Variants in PKHD1 observed in about 807,000 individuals in gnomAD.
The protein encoded by PKHD1 is fibrocystin.
A neutral mutation model predicts 412.0 loss-of-function variants in PKHD1; 291 were observed. The observed-to-expected ratio is 0.71, with a 90% CI of 0.64 to 0.78. The LOEUF is 0.78. PKHD1 is among the 30% of genes least tolerant of loss of function. PKHD1 has a pLI of 0.00. For synonymous variants in PKHD1, 1,777 were observed against 1,821.5 expected, an observed-to-expected ratio of 0.98 and a Z score of 0.62; for missense variants, 4,825 against 4,950.7, an observed-to-expected ratio of 0.97 and a Z score of 0.76.
At chr6:51,900,781 G>A (rs1434404173) in intron 43 of PKHD1, among the ~76,000 whole-genome samples, 1 of 151,594 alleles carries the variant, frequency 6.6e-6, no homozygotes, top group African/African-American at 2.4e-5. Flanking sequence ...ATCTGACAAA[G>A]GGCTAATATC....
intron 33 of PKHD1, among the ~76,000 whole-genome samples, chr6:52,020,873 C>G (rs978778697): frequency 6.6e-6 from 1 of 151,376 alleles, no homozygotes; most frequent in African/African-American, 2.4e-5. Flanking sequence ...AAGACCTATC[C>G]CCTTTGACAT....
intron 36 of PKHD1, among the ~76,000 whole-genome samples, chr6:51,941,236 C>T (rs1490688727): frequency 3.2e-5 from 2 of 63,018 alleles, no homozygotes; most frequent in Admixed American, 2.6e-4. Flanking sequence ...ACAGCATGGC[C>T]TTTTTTTTTT....
rs190753842 is a variant in PKHD1, at chr6:51,714,933, T to C, written c.10156+29452A>G. Among the ~76,000 whole-genome samples the C allele has an allele frequency of 1.4e-3, 207 of 152,168 alleles. No homozygotes were observed. In the Middle Eastern group the frequency reaches 0.014, roughly 10 times the overall value. ...CTAGGAATATGTCTGAACACATGAATACAAGACCATTTTCACAATTATTTC... is the reference window on the plus strand; with the variant it reads ...CTAGGAATATGTCTGAACACATGAACACAAGACCATTTTCACAATTATTTC... On this transcript the variant is annotated intron_variant, in intron 60 of 66. Coordinates refer to ENST00000371117, the MANE Select transcript of PKHD1 (RefSeq NM_138694.4).
intron 41 of PKHD1, among the ~76,000 whole-genome samples, chr6:51,904,353 A>C (rs918736488): frequency 1.3e-5 from 2 of 152,136 alleles, no homozygotes; most frequent in Non-Finnish European, 2.9e-5. Context: ...TAGCTGTTCA[A>C]ACTGGCCACC....
chr6:51,943,454 G>A (rs1463337167), intron 36 of PKHD1, among the ~76,000 whole-genome samples: 16 of 149,690 alleles, frequency 1.1e-4, no homozygotes, highest in East Asian at 1.9e-4. Context: ...CCTATTCACC[G>A]TTCTCAACTA....
At chr6:51,644,505 G>C (rs1769822331) in intron 63 of PKHD1, among the ~76,000 whole-genome samples, 3 of 152,136 alleles carry the variant, frequency 2.0e-5, no homozygotes, top group Non-Finnish European at 2.9e-5. Flanking sequence ...AGCCAGAGTA[G>C]AGCAAGAAAT....
At chr6:51,778,960 C>T (rs73740007) in intron 53 of PKHD1, among the ~76,000 whole-genome samples, 2,150 of 152,156 alleles carry the variant, frequency 0.014, 45 homozygotes, top group African/African-American at 0.049. Context: ...AACTTGGCTC[C>T]ACCGTAATTT....
At chr6:51,668,325 C>G (rs949339770) in intron 60 of PKHD1, among the ~76,000 whole-genome samples, 3 of 152,148 alleles carry the variant, frequency 2.0e-5, no homozygotes, top group African/African-American at 7.2e-5. Context: ...TGGGAGTTCA[C>G]TCATGATTTG....
rs149528145 is a variant in PKHD1, at chr6:51,705,221, A to G, written c.10156+39164T>C. Among the ~76,000 whole-genome samples the G allele has an allele frequency of 5.3e-5, 8 of 152,140 alleles. No homozygotes were observed. The East Asian group carries it at 1.5e-3, about 29-fold the overall frequency. ...GAACCAGGAGAGTGCACTGCCTTGA[A>G]AAATCAAAGGAGGATGGGATTTTAA... On this transcript the variant is annotated intron_variant, in intron 60 of 66. Coordinates refer to ENST00000371117, the MANE Select transcript of PKHD1 (RefSeq NM_138694.4).
chr6:51,835,187 T>C (rs776497169), intron 51 of PKHD1, among the ~76,000 whole-genome samples: 2 of 152,152 alleles, frequency 1.3e-5, no homozygotes, highest in South Asian at 2.1e-4. Flanking sequence ...GAAATCATCA[T>C]ACTACATGCT....
chr6:52,085,010 CT>C lies in PKHD1; in HGVS notation c.-78del, dbSNP rs1402933843. 2 of 960,658 alleles carry C rather than the reference CT, an allele frequency of 2.1e-6. No individual in the cohort carries two copies. Among genetic ancestry groups the C allele is most frequent in the African/African-American group, 3.2e-5 (2 of 62,136 alleles). 59.5% of individuals were successfully genotyped at this position (960,658 alleles called of 1,614,324 possible). A position where few individuals can be genotyped will look rare whatever the true frequency, so the allele number is the denominator to read the frequency against. On this transcript the variant is annotated 5_prime_UTR_variant, in exon 2 of 67. Coordinates refer to ENST00000371117, the MANE Select transcript of PKHD1 (RefSeq NM_138694.4). ...TTCAGTTTTGATTGGAGCAGCATAGCTTTTGTGCTTTATAAAAACAAAAAAA... is the reference window on the plus strand; with the variant it reads ...TTCAGTTTTGATTGGAGCAGCATAGCTTTGTGCTTTATAAAAACAAAAAAA...
intron 64 of PKHD1, among the ~76,000 whole-genome samples, chr6:51,638,119 T>C (rs978007986): frequency 6.6e-6 from 1 of 152,208 alleles, no homozygotes; most frequent in Admixed American, 6.5e-5. Context: ...ACAATTTTTA[T>C]ATAGTTAAGG....
At chr6:51,751,719 G>A (rs1306810207) in intron 57 of PKHD1, among the ~76,000 whole-genome samples, 1 of 152,130 alleles carries the variant, frequency 6.6e-6, no homozygotes, top group Non-Finnish European at 1.5e-5. Context: ...TAGGAAAACA[G>A]ATGAAAGACC....
At chr6:51,988,270 T>G (rs944801427) in intron 35 of PKHD1, among the ~76,000 whole-genome samples, 1 of 152,204 alleles carries the variant, frequency 6.6e-6, no homozygotes, top group African/African-American at 2.4e-5. Context: ...TCTGTACATT[T>G]CATTATAGGT....
chr6:52,037,882 A>G (rs183049544), intron 27 of PKHD1, among the ~76,000 whole-genome samples: 69 of 152,326 alleles, frequency 4.5e-4, no homozygotes, highest in Admixed American at 4.1e-3. Context: ...ACAACTCCAT[A>G]TACAAAATAA....
At chr6:51,688,674 A>G (rs1422416772) in intron 60 of PKHD1, among the ~76,000 whole-genome samples, 1 of 152,186 alleles carries the variant, frequency 6.6e-6, no homozygotes, top group Non-Finnish European at 1.5e-5. Flanking sequence ...CCCCACAGAT[A>G]TACAAACAAC....
At chr6:51,832,711 T>C (rs1768478223) in intron 51 of PKHD1, among the ~76,000 whole-genome samples, 1 of 152,012 alleles carries the variant, frequency 6.6e-6, no homozygotes, top group Non-Finnish European at 1.5e-5. Context: ...CTGAGGGTGG[T>C]TGTAATAGCT....
chr6:51,807,488 T>C (rs1764017685), intron 52 of PKHD1, among the ~76,000 whole-genome samples: 1 of 132,104 alleles, frequency 7.6e-6, no homozygotes, highest in Non-Finnish European at 1.6e-5. Context: ...TATGTATATG[T>C]GTGTGTGTGT....
At chr6:52,022,333 C>T (rs1250670161) in intron 33 of PKHD1, among the ~76,000 whole-genome samples, 2 of 152,072 alleles carry the variant, frequency 1.3e-5, no homozygotes, top group East Asian at 3.8e-4. Context: ...TAATAAGAAA[C>T]CGAAAACTGA....
Sources: gnomAD v4.1 joint callset for allele counts (sites outside exome capture counted in the v4.1 genomes callset) on GRCh38, gnomAD v4.1.1 for gene constraint, MANE v1.5 for transcripts, NCBI Gene and HGNC (gene_info 2026-07-23, HGNC 2026-07-21) for gene names.